SLIT2: variants seen among roughly 807,000 people sequenced by gnomAD.
SLIT2 encodes slit guidance ligand 2, also known as slit homolog 2 protein.
In SLIT2, 41 loss-of-function variants were observed where a neutral mutation model predicts 185.7. The ratio of observed to expected loss-of-function variants is 0.22; its 90% CI spans 0.17 to 0.29. SLIT2 has a LOEUF of 0.29. SLIT2 is among the 10% of genes least tolerant of loss of function. The pLI, the probability that SLIT2 is intolerant of heterozygous loss-of-function variation, is 1.00. For synonymous variants in SLIT2, 693 were observed against 680.2 expected (o/e 1.02, Z -0.29); for missense variants, 1,571 against 1,909.0 (o/e 0.82, Z 3.30).
chr4:20,465,541 CAG>C (rs1178076402), intron 4 of SLIT2, among the ~76,000 whole-genome samples: 1 of 152,120 alleles, frequency 6.6e-6, no homozygotes, highest in African/African-American at 2.4e-5. Flanking sequence ...GCCATCTACT[CAG>C]GGGACAACCA....
At chr4:20,610,241 A>T (rs1729109304) in intron 34 of SLIT2, 74 bp downstream of exon 34, 1 of 1,296,412 alleles carries the variant, frequency 7.7e-7, no homozygotes, top group African/African-American at 1.5e-5. Flanking sequence ...GAAGTTTGTT[A>T]ATGCCTAATA....
chr4:20,431,254 G>T (rs917573524), intron 4 of SLIT2, among the ~76,000 whole-genome samples: 3 of 152,134 alleles, frequency 2.0e-5, no homozygotes, highest in Non-Finnish European at 4.4e-5. Flanking sequence ...ATGGAAAAAA[G>T]TTGACTTTAC....
At chr4:20,512,534 A>G (rs1473487905) in intron 11 of SLIT2, among the ~76,000 whole-genome samples, 1 of 152,196 alleles carries the variant, frequency 6.6e-6, no homozygotes, top group African/African-American at 2.4e-5. Context: ...GGCAGAAAAT[A>G]TAGCGTGTAG....
chr4:20,408,689 C>A lies in SLIT2; in HGVS notation c.396-59063C>A, dbSNP rs958865584. Among the ~76,000 whole-genome samples the A allele has an allele frequency of 2.6e-5, 4 of 152,112 alleles. No individual in the cohort carries two copies. In the East Asian group the frequency reaches 7.7e-4, roughly 29 times the overall value. On this transcript the variant is annotated intron_variant, in intron 4 of 36. Transcript: ENST00000504154. ...CTCATTGTGGAAACCCAGCTTCTATCGCTCTAATAGTCCTTGAGTAAATGA... is the reference window on the plus strand; with the variant it reads ...CTCATTGTGGAAACCCAGCTTCTATAGCTCTAATAGTCCTTGAGTAAATGA...
chr4:20,501,295 G>C (rs144486636), intron 9 of SLIT2, among the ~76,000 whole-genome samples: 1 of 151,784 alleles, frequency 6.6e-6, no homozygotes, highest in Admixed American at 6.6e-5. Flanking sequence ...AATTTTTTTT[G>C]GGGGGAGGAG....
chr4:20,446,596 G>A (rs1180427458), intron 4 of SLIT2, among the ~76,000 whole-genome samples: 1 of 152,132 alleles, frequency 6.6e-6, no homozygotes, highest in Admixed American at 6.5e-5. Flanking sequence ...AAAAGCACAG[G>A]CTTGGCAATT....
intron 4 of SLIT2, among the ~76,000 whole-genome samples, chr4:20,279,482 A>G (rs1000818729): frequency 5.9e-5 from 9 of 152,090 alleles, no homozygotes; most frequent in South Asian, 2.1e-4. Context: ...TTACCTCCAC[A>G]TGATCATTCA....
At chr4:20,574,223 G>GA (rs1479156235) in intron 29 of SLIT2, among the ~76,000 whole-genome samples, 1 of 151,934 alleles carries the variant, frequency 6.6e-6, no homozygotes, top group Admixed American at 6.6e-5. Flanking sequence ...CCAAGTGCTG[G>GA]GATTACAGGT....
chr4:20,442,702 A>T (rs1577668253), intron 4 of SLIT2, among the ~76,000 whole-genome samples: 1 of 152,088 alleles, frequency 6.6e-6, no homozygotes, highest in East Asian at 1.9e-4. Context: ...GAGGGTGTGG[A>T]CTGGAGCAGA....
At chr4:20,491,599 A>T (rs534707544) in intron 8 of SLIT2, among the ~76,000 whole-genome samples, 162 bp from the exon 9 acceptor site, 2 of 152,316 alleles carry the variant, frequency 1.3e-5, no homozygotes, top group South Asian at 4.1e-4. Context: ...ATATAAATGC[A>T]TGCCTCCTAA....
intron 4 of SLIT2, among the ~76,000 whole-genome samples, chr4:20,461,872 T>A (rs950483780): frequency 5.3e-5 from 8 of 152,102 alleles, no homozygotes; most frequent in Non-Finnish European, 1.2e-4. Context: ...TTGGAAGGAA[T>A]CATAAGTCAA....
intron 5 of SLIT2, among the ~76,000 whole-genome samples, chr4:20,472,548 A>ATATATAGATATATC (rs1715551982): frequency 1.5e-4 from 3 of 20,270 alleles, no homozygotes; most frequent in African/African-American, 8.5e-4. Flanking sequence ...ATCTATATCT[A>ATATATAGATATATC]TATATAGATA....
Position 20,610,274 on chromosome 4 carries a change from A to G in SLIT2, c.3847+107A>G, listed in dbSNP as rs911116537. 2.4e-5 allele frequency: 22 copies of G among 915,230 alleles called. No individual in the cohort carries two copies. In the African/African-American group the frequency reaches 2.5e-4, roughly 11 times the overall value. The allele number at this position is 915,230 out of a possible 1,614,324, so 56.7% of individuals were successfully genotyped here. A position where few individuals can be genotyped will look rare whatever the true frequency, so the allele number is the denominator to read the frequency against. On this transcript the variant is annotated intron_variant, in intron 34 of 36. Transcript: ENST00000504154. ...ATATATCAGGATTTGTCATTGACCAATAGTGATCAATCATTGAAAGATGGA... is the reference window on the plus strand; with the variant it reads ...ATATATCAGGATTTGTCATTGACCAGTAGTGATCAATCATTGAAAGATGGA...
intron 1 of SLIT2, 133 bp from the exon 2 acceptor site, chr4:20,256,539 T>C (rs1711861097): frequency 7.6e-6 from 4 of 528,966 alleles, no homozygotes; most frequent in Non-Finnish European, 1.4e-5. Flanking sequence ...GTTATCCTCT[T>C]CTCCTTCCTA....
intron 9 of SLIT2, among the ~76,000 whole-genome samples, chr4:20,496,219 T>C (rs1179658897): frequency 8.5e-5 from 13 of 152,336 alleles, no homozygotes; most frequent in Non-Finnish European, 2.9e-5. Context: ...GACTCATTTT[T>C]TCTGCTTTCT....
chr4:20,364,384 A>G (rs545041619), intron 4 of SLIT2: 1 of 514,444 alleles, frequency 1.9e-6, no homozygotes, highest in African/African-American at 2.1e-5. Flanking sequence ...GCAAAGAGAA[A>G]AAGAAAGCTG....
chr4:20,518,303 A>G (rs1720446834), intron 11 of SLIT2, among the ~76,000 whole-genome samples: 1 of 135,218 alleles, frequency 7.4e-6, no homozygotes, highest in African/African-American at 2.7e-5. Flanking sequence ...CCCAAGCTGG[A>G]GTGCAGTGGC....
rs1249392010 is a variant in SLIT2, at chr4:20,253,874, T to A, written c.59T>A (p.Leu20Gln). Residue 20 changes from leucine to glutamine, a missense_variant, in exon 1 of 37, where the codon CTG (leucine) becomes CAG (glutamine). By Grantham distance (113) the Leu-to-Gln change is moderately radical. This residue lies in a region of SLIT2 where 1,202 missense variants were observed against 1,416.4 expected (regional missense o/e 0.85). Transcript: ENST00000504154. Reference protein sequence around the residue: ...SLSLGLVLAILNKVAPQACPA... With the variant: ...SLSLGLVLAIQNKVAPQACPA... ...TCGCTGGGGTTAGTGCTGGCGATCCTGAACAAGGTGGCACCGCAGGCGTGC... is the reference window on the plus strand; with the variant it reads ...TCGCTGGGGTTAGTGCTGGCGATCCAGAACAAGGTGGCACCGCAGGCGTGC... 1 of 1,600,972 alleles carries A rather than the reference T, an allele frequency of 6.2e-7. No individual in the cohort carries two copies. Among genetic ancestry groups the A allele is most frequent in the South Asian group, 1.1e-5 (1 of 91,068 alleles).
chr4:20,390,757 TTA>T (rs1725345280), intron 4 of SLIT2, among the ~76,000 whole-genome samples: 1 of 150,734 alleles, frequency 6.6e-6, no homozygotes, highest in Non-Finnish European at 1.5e-5. Context: ...GAAAAAGATC[TTA>T]TTTTTTTTTT....
Sources: gnomAD v4.1 joint callset for allele counts (sites outside exome capture counted in the v4.1 genomes callset) on GRCh38, gnomAD v4.1.1 for gene constraint, gnomAD v4.1.1 regional missense constraint, MANE v1.5 for transcripts, NCBI Gene and HGNC (gene_info 2026-07-23, HGNC 2026-07-21) for gene names.